Variants in TANC2 observed in about 807,000 individuals in gnomAD.
The protein encoded by TANC2 is tetratricopeptide repeat, ankyrin repeat and coiled-coil containing 2, also known as protein TANC2.
TANC2 carries 26 observed loss-of-function variants against 210.5 expected under a neutral mutation model. That is an observed-to-expected ratio of 0.12 (90% CI 0.09 to 0.17). The LOEUF (loss-of-function observed/expected upper bound fraction) is 0.17, where lower values mean the gene tolerates loss of function less well. Ranked by LOEUF, TANC2 falls within the 10% of genes least tolerant of loss-of-function variation. The pLI, the probability that TANC2 is intolerant of heterozygous loss-of-function variation, is 1.00. For synonymous variants in TANC2, 931 were observed against 967.1 expected (o/e 0.96, Z 0.69); for missense variants, 2,129 against 2,608.9 (o/e 0.82, Z 4.01).
At chr17:63,182,443 C>T (rs2145660905) in intron 5 of TANC2, 2 of 271,866 alleles carry the variant, frequency 7.4e-6, no homozygotes, top group South Asian at 5.1e-5. Flanking sequence ...TTTAGTTTGG[C>T]GTCACATTCC....
rs751023721 is a variant in TANC2 at position 63,420,792 on chromosome 17, A to G, written c.5062A>G (p.Arg1688Gly). The G allele has an allele frequency of 1.2e-6, 2 of 1,614,030 alleles. No homozygotes were observed. The highest frequency in any genetic ancestry group is 1.7e-6 in the Non-Finnish European group (2 of 1,179,890). Residue 1688 changes from arginine to glycine, a missense_variant, in exon 28 of 28, where the codon AGG becomes GGG. Transcript: ENST00000689528. The surrounding 1 kb of genome is among the most constrained non-coding windows in gnomAD (Gnocchi z 4.2). ...TGTGGCAGTTCCCCAGCAAGGGCTC[A>G]GGCTACAGCCTGCCAAGGCCCAGAT...
At chr17:62,975,090 T>A (rs2031926780) in intron 1 of TANC2, among the ~76,000 whole-genome samples, 1 of 152,180 alleles carries the variant, frequency 6.6e-6, no homozygotes, top group Non-Finnish European at 1.5e-5. Flanking sequence ...ATAAGTAGAT[T>A]ATAGTTATTG....
intron 4 of TANC2, among the ~76,000 whole-genome samples, chr17:63,129,470 A>G (rs944004645): frequency 1.3e-5 from 2 of 152,198 alleles, no homozygotes; most frequent in African/African-American, 4.8e-5. Context: ...TGAACAGTGT[A>G]TGTCAAGTGC....
chr17:63,323,036 T>C (rs2045545029), intron 11 of TANC2, among the ~76,000 whole-genome samples: 1 of 152,232 alleles, frequency 6.6e-6, no homozygotes, highest in Non-Finnish European at 1.5e-5. Context: ...GTTATCCCAG[T>C]TATTGTGCTA....
At chr17:63,070,596 C>T (rs1352703030) in intron 2 of TANC2, among the ~76,000 whole-genome samples, 3 of 152,168 alleles carry the variant, frequency 2.0e-5, no homozygotes, top group Admixed American at 6.5e-5. Flanking sequence ...TCATTTCCCA[C>T]TGGCCAAATC....
intron 2 of TANC2, among the ~76,000 whole-genome samples, chr17:63,011,044 A>G (rs1379714892): frequency 2.6e-5 from 4 of 151,492 alleles, no homozygotes; most frequent in Non-Finnish European, 5.9e-5. Context: ...GGTAAGGCTG[A>G]CTCTCATGGT....
chr17:63,419,862 T>C lies in TANC2; in HGVS notation c.4269-137T>C, dbSNP rs2048969966. 4 of 1,014,536 alleles carry C rather than the reference T, an allele frequency of 3.9e-6. No homozygotes were observed. The African/African-American group carries it at 4.9e-5, about 12-fold the overall frequency. 62.8% of individuals were successfully genotyped at this position (1,014,536 alleles called of 1,614,324 possible). A position where few individuals can be genotyped will look rare whatever the true frequency, so the allele number is the denominator to read the frequency against. Reference sequence around the variant, plus strand: ...GTCTTCCTGTTTCCTTCCCTATAAATCCAACTAAACCGAAATACCCCAGAC... The same window carrying C: ...GTCTTCCTGTTTCCTTCCCTATAAACCCAACTAAACCGAAATACCCCAGAC... On this transcript the variant is annotated intron_variant, in intron 27 of 27. Transcript: ENST00000689528.
chr17:63,276,840 ATTC>A (rs1278950152), intron 9 of TANC2, among the ~76,000 whole-genome samples: 3 of 152,182 alleles, frequency 2.0e-5, no homozygotes, highest in Non-Finnish European at 2.9e-5. Flanking sequence ...CTTTAAACAT[ATTC>A]TTATTTAATC....
intron 2 of TANC2, among the ~76,000 whole-genome samples, chr17:63,044,669 C>T (rs1423706468): frequency 6.6e-6 from 1 of 152,082 alleles, no homozygotes; most frequent in Admixed American, 6.6e-5. Flanking sequence ...GATTTCATTA[C>T]TTTGTCACTT....
chr17:63,268,548 T>A (rs1383434333), intron 9 of TANC2, among the ~76,000 whole-genome samples: 1 of 152,192 alleles, frequency 6.6e-6, no homozygotes, highest in Non-Finnish European at 1.5e-5. Context: ...TTCAAAACAC[T>A]TCTGATCCCA....
chr17:63,103,427 A>T (rs1420663230), intron 4 of TANC2, among the ~76,000 whole-genome samples: 3 of 152,226 alleles, frequency 2.0e-5, no homozygotes, highest in Non-Finnish European at 2.9e-5. Flanking sequence ...TACACACCTC[A>T]CTCTATTCAG....
At chr17:63,344,195 C>T (rs1021558960) in intron 12 of TANC2, among the ~76,000 whole-genome samples, 1 of 152,144 alleles carries the variant, frequency 6.6e-6, no homozygotes, top group Non-Finnish European at 1.5e-5. Context: ...ATCTAGGTTG[C>T]GCACTTCATC....
At chr17:63,207,789 C>T (rs1397472818) in intron 7 of TANC2, among the ~76,000 whole-genome samples, 1 of 152,120 alleles carries the variant, frequency 6.6e-6, no homozygotes, top group Admixed American at 6.5e-5. Context: ...TCTCTTTCAA[C>T]TTTATAAAAT....
chr17:63,421,786 T>G lies in TANC2; in HGVS notation c.6056T>G (p.Leu2019Trp). The G allele has an allele frequency of 6.2e-7, 1 of 1,614,074 alleles. No homozygotes were observed. The highest frequency in any genetic ancestry group is 8.5e-7 in the Non-Finnish European group (1 of 1,179,896). The change falls in exon 28 of 28, where the codon TTG becomes TGG. Residue 2019 changes from leucine to tryptophan, a missense_variant. Physicochemically the swap from Leu to Trp is moderately conservative, Grantham distance 61. Transcript: ENST00000689528. The surrounding 1 kb of genome is among the most constrained non-coding windows in gnomAD (Gnocchi z 6.9). ...GCTAACGGGTCTCGTGGAGACCTCT[T>G]GGAGCGAGTCAGCCAGGCCTCCTCC... is the stretch of plus-strand genomic sequence containing the variant.
intron 4 of TANC2, among the ~76,000 whole-genome samples, chr17:63,102,955 ATAT>A (rs1289692824): frequency 2.0e-5 from 3 of 152,164 alleles, no homozygotes; most frequent in Non-Finnish European, 2.9e-5. Context: ...ATTGTATTAG[ATAT>A]TATAAGTAAT....
intron 25 of TANC2, among the ~76,000 whole-genome samples, chr17:63,414,711 A>G (rs1368186693): frequency 6.6e-6 from 1 of 152,236 alleles, no homozygotes; most frequent in Non-Finnish European, 1.5e-5. Context: ...AAAGACTGGG[A>G]TCCCTGTGGA....
chr17:63,206,650 G>A (rs1158329483), intron 7 of TANC2, among the ~76,000 whole-genome samples: 1 of 152,152 alleles, frequency 6.6e-6, no homozygotes, highest in Non-Finnish European at 1.5e-5. Context: ...TACCAGAGTA[G>A]CTAAATCATA....
intron 8 of TANC2, among the ~76,000 whole-genome samples, chr17:63,248,253 G>A (rs1015029931): frequency 9.9e-5 from 15 of 152,102 alleles, no homozygotes; most frequent in South Asian, 8.3e-4. Flanking sequence ...GGGAGACTCC[G>A]ATGCTAAATC....
intron 8 of TANC2, among the ~76,000 whole-genome samples, chr17:63,254,185 T>C (rs2043126428): frequency 6.6e-6 from 1 of 152,152 alleles, no homozygotes; most frequent in African/African-American, 2.4e-5. Context: ...TTTTTAGTTG[T>C]AGAGATCTTT....
Sources: gnomAD v4.1 joint callset for allele counts (sites outside exome capture counted in the v4.1 genomes callset) on GRCh38, gnomAD v4.1.1 for gene constraint, Gnocchi (gnomAD v3.1) non-coding constraint, MANE v1.5 for transcripts, NCBI Gene and HGNC (gene_info 2026-07-23, HGNC 2026-07-21) for gene names.